IDUA: variants seen among roughly 807,000 people sequenced by gnomAD.
The protein encoded by IDUA is iduronidase alpha-L-.
A neutral mutation model predicts 68.9 loss-of-function variants in IDUA; 65 were observed. That is an observed-to-expected ratio of 0.94 (90% CI 0.77 to 1.16). The LOEUF (loss-of-function observed/expected upper bound fraction) is 1.16, where lower values mean the gene tolerates loss of function less well. Ranked by LOEUF, IDUA falls within the 50% of genes most tolerant of loss-of-function variation. The pLI is 0.00. For missense variants in IDUA, 1,046 were observed against 938.0 expected (o/e 1.12, Z -1.50); for synonymous variants, 529 against 433.6 (o/e 1.22, Z -2.73).
intron 12 of IDUA, 161 bp downstream of exon 12, chr4:1,003,786 C>T (rs990283733): frequency 9.3e-6 from 8 of 856,652 alleles, no homozygotes; most frequent in East Asian, 5.3e-5. Flanking sequence ...CTGTGGGCCA[C>T]GCGCCAGGCC....
Position 994,023 on chromosome 4 carries a change from C to T in IDUA, c.299+6074C>T, listed in dbSNP as rs545785381. 3.0e-4 allele frequency among the ~76,000 whole-genome samples: 46 copies of T among 152,366 alleles called. 1 individual carries two copies. In the South Asian group the frequency reaches 9.5e-3, roughly 32 times the overall value. On this transcript the variant is annotated intron_variant, in intron 2 of 13. Coordinates refer to ENST00000514224, the MANE Select transcript of IDUA (RefSeq NM_000203.5). The stretch of plus-strand genomic sequence containing the variant: ...TGGTCACCCTCACGGCTCCTCTGCC[C>T]TCCCCTCTACCACAGACCAGGACCG...
intron 7 of IDUA, 26 bp from the exon 8 acceptor site, chr4:1,002,243 G>A: frequency 6.3e-7 from 1 of 1,599,414 alleles, no homozygotes; most frequent in Non-Finnish European, 8.5e-7. Context: ...GCGCCACCCG[G>A]TCCCAGCTGC....
At position 1,003,356 on chromosome 4, in the gene IDUA, C is replaced by A; in HGVS notation, c.1536C>A (p.Ala512=). The change falls in exon 11 of 14, where the codon GCC becomes GCA. Residue 512 remains alanine (A), a synonymous_variant. Coordinates refer to ENST00000514224, the MANE Select transcript of IDUA (RefSeq NM_000203.5). ...RRMRAAEDPV[A]AAPRPLPAGG... is the part of the protein sequence containing the mutation. ...GCCACTGCGCCCAGGACCCGGTGGCCGCGGCGCCCCGCCCCTTACCCGCCG... is the reference window on the plus strand; with the variant it reads ...GCCACTGCGCCCAGGACCCGGTGGCAGCGGCGCCCCGCCCCTTACCCGCCG... The A allele has an allele frequency of 1.4e-6, 2 of 1,457,986 alleles. No homozygotes were observed. The highest frequency in any genetic ancestry group is 1.3e-5 in the South Asian group (1 of 74,222). The allele number at this position is 1,457,986 out of a possible 1,614,324, so 90.3% of individuals were successfully genotyped here.
In IDUA at chr4:1,003,100, C is replaced by T. The variant is rs115929690; in HGVS notation, c.1467C>T (p.Arg489=). The T allele has an allele frequency of 0.16, 245,017 of 1,514,776 alleles. 21,380 individuals are homozygous for T. Among genetic ancestry groups the T allele is most frequent in the South Asian group, 0.29 (23,904 of 81,086 alleles). 93.8% of individuals were successfully genotyped at this position (1,514,776 alleles called of 1,614,324 possible). Residue 489 remains arginine, a synonymous_variant, in exon 10 of 14, where the codon CGC becomes CGT. Transcript: ENST00000514224. ...GCAGCCCCGACGGCGAGTGGCGGCG[C>T]CTGGGCCGGCCCGTCTTCCCCACGG... ...GLCSPDGEWR[R]LGRPVFPTAE...
chr4:990,481 G>A (rs2153017451), intron 2 of IDUA: 2 of 1,012,316 alleles, frequency 2.0e-6, no homozygotes, highest in East Asian at 2.6e-5. Flanking sequence ...ATTCTGTGTT[G>A]CGGCCCCGTG....
intron 2 of IDUA, chr4:991,768 G>T: frequency 6.5e-7 from 1 of 1,528,456 alleles, no homozygotes; most frequent in Non-Finnish European, 8.8e-7. Flanking sequence ...AGGAGCCCCC[G>T]GATCCAGGGC....
At position 988,529 on chromosome 4, in the gene IDUA, A is replaced by C. The variant is rs929348637; in HGVS notation, c.299+580A>C. On this transcript the variant is annotated intron_variant, in intron 2 of 13. Transcript: ENST00000514224. ...GGGACCCTTGTTCAAATAAGATGTC[A>C]ACCCTGAGCGTCAGGTCAGGCCCAT... The C allele has an allele frequency of 1.4e-5, 17 of 1,212,810 alleles. No homozygotes were observed. The African/African-American group carries it at 2.7e-4, about 19-fold the overall frequency. The allele number at this position is 1,212,810 out of a possible 1,614,324, so 75.1% of individuals were successfully genotyped here.
chr4:995,217 G>C (rs1002051501), intron 2 of IDUA, among the ~76,000 whole-genome samples: 1 of 151,958 alleles, frequency 6.6e-6, no homozygotes, highest in African/African-American at 2.4e-5. Flanking sequence ...GCTAATTTTT[G>C]TATTTTTAGT....
chr4:989,311 C>A lies in IDUA; in HGVS notation c.299+1362C>A, dbSNP rs1714026421. On this transcript the variant is annotated intron_variant, in intron 2 of 13. Transcript: ENST00000514224. ...CTTGTTGGCATAGTACAGCGGCCCC[C>A]CAAAGCGGAACACCCGCACGCCGGG... 1.2e-6 allele frequency: 2 copies of A among 1,611,650 alleles called. No individual in the cohort carries two copies. Among genetic ancestry groups the A allele is most frequent in the Non-Finnish European group, 1.7e-6 (2 of 1,179,446 alleles).
At chr4:989,847 G>A (rs1450306590) in intron 2 of IDUA, 3 of 1,578,398 alleles carry the variant, frequency 1.9e-6, no homozygotes, top group East Asian at 4.6e-5. Context: ...CGTGACTGCG[G>A]GCGAACATCT....
rs142648939 is a variant in IDUA, at chr4:991,652, G to A, written c.299+3703G>A. ...CCCCGGGGTGCTGGGCGCTGCCGTC[G>A]GACCGGCACCGGCCCTCTGCCCTGC... On this transcript the variant is annotated intron_variant, in intron 2 of 13. Coordinates refer to ENST00000514224, the MANE Select transcript of IDUA (RefSeq NM_000203.5). 3.4e-5 allele frequency: 52 copies of A among 1,549,746 alleles called. No individual in the cohort carries two copies. Among genetic ancestry groups the A allele is most frequent in the South Asian group, 6.1e-5 (5 of 82,598 alleles).
Position 987,077 on chromosome 4 carries a change from G to A in IDUA, c.-8G>A, listed in dbSNP as rs763960374. On this transcript the variant is annotated 5_prime_UTR_variant, in exon 1 of 14. Coordinates refer to ENST00000514224, the MANE Select transcript of IDUA (RefSeq NM_000203.5). Reference sequence around the variant, plus strand: ...CCGAAGCCCCGCAGTCCCCGAGCACGCGTGGCCATGCGTCCCCTGCGCCCC... The same window carrying A: ...CCGAAGCCCCGCAGTCCCCGAGCACACGTGGCCATGCGTCCCCTGCGCCCC... 16 of 1,490,958 alleles carry A rather than the reference G, an allele frequency of 1.1e-5. No individual in the cohort carries two copies. The African/African-American group carries it at 1.6e-4, about 15-fold the overall frequency. 92.4% of individuals were successfully genotyped at this position (1,490,958 alleles called of 1,614,324 possible).
intron 9 of IDUA, 30 bp from the exon 10 acceptor site, chr4:1,003,006 G>GC (rs1715201873): frequency 2.1e-6 from 3 of 1,439,974 alleles, no homozygotes; most frequent in Non-Finnish European, 2.7e-6. Flanking sequence ...GCGGCCCGGG[G>GC]AGCCGAGGCC....
intron 2 of IDUA, chr4:992,373 C>G (rs1714434168): frequency 2.8e-6 from 1 of 362,908 alleles, no homozygotes; most frequent in Non-Finnish European, 5.6e-6. Flanking sequence ...GCGGAAGTCT[C>G]AGGAAGAGGC....
intron 10 of IDUA, 47 bp downstream of exon 10, chr4:1,003,204 CG>C (rs1326054654): frequency 7.0e-5 from 31 of 443,768 alleles, no homozygotes; most frequent in Non-Finnish European, 7.8e-5. Context: ...GCCGGGGTCC[CG>C]GGGGGGTGGG....
At position 1,003,363 on chromosome 4, in the gene IDUA, C is replaced by T; in HGVS notation, c.1543C>T (p.Pro515Ser). 1 of 1,475,102 alleles carries T rather than the reference C, an allele frequency of 6.8e-7. No individual in the cohort carries two copies. The highest frequency in any genetic ancestry group is 2.8e-5 in the East Asian group (1 of 35,534). The allele number at this position is 1,475,102 out of a possible 1,614,324, so 91.4% of individuals were successfully genotyped here. A position where few individuals can be genotyped will look rare whatever the true frequency, so the allele number is the denominator to read the frequency against. Residue 515 changes from proline to serine, a missense_variant, in exon 11 of 14, where the codon CCC (proline) becomes TCC (serine). Transcript: ENST00000514224. The part of the protein sequence containing the change: ...RAAEDPVAAA[P>S]RPLPAGGRLT... ...CGCCCAGGACCCGGTGGCCGCGGCGCCCCGCCCCTTACCCGCCGGCGGCCG... is the reference window on the plus strand; with the variant it reads ...CGCCCAGGACCCGGTGGCCGCGGCGTCCCGCCCCTTACCCGCCGGCGGCCG...
Position 1,001,771 on chromosome 4 carries a change from C to G in IDUA, c.682C>G (p.Pro228Ala). ...AGGCCCCGGCGACTCCTTCCACACC[C>G]CACCGCGATCCCCGCTGAGCTGGGG... The part of the protein sequence containing the change: ...LGGPGDSFHT[P>A]PRSPLSWGLL... Residue 228 changes from proline (P) to alanine (A), a missense_variant, in exon 6 of 14, where the codon CCA becomes GCA. Pro to Ala is a conservative substitution (Grantham distance 27). Coordinates refer to ENST00000514224, the MANE Select transcript of IDUA (RefSeq NM_000203.5). The G allele has an allele frequency of 6.2e-7, 1 of 1,601,492 alleles. No homozygotes were observed.
intron 4 of IDUA, 181 bp from the exon 5 acceptor site, chr4:1,001,275 TATCACCCAGGCC>T: frequency 1.7e-6 from 1 of 592,678 alleles, no homozygotes; most frequent in Non-Finnish European, 3.1e-6. Context: ...GCCGCACCCC[TATCACCCAGGCC>T]GCCGCCCAGG....
chr4:997,500 G>A (rs1714810026), intron 2 of IDUA, among the ~76,000 whole-genome samples: 1 of 151,398 alleles, frequency 6.6e-6, no homozygotes, highest in Admixed American at 6.6e-5. Context: ...CAGGGGCGGG[G>A]ACGTGGGGAC....
Sources: allele counts gnomAD v4.1 joint callset (sites outside exome capture counted in the v4.1 genomes callset), GRCh38; gene constraint gnomAD v4.1.1; transcripts MANE v1.5; gene names NCBI Gene and HGNC (gene_info 2026-07-23, HGNC 2026-07-21).